RPS6KC1: variants seen among roughly 807,000 people sequenced by gnomAD.
The protein encoded by RPS6KC1 is inactive ribosomal protein S6 kinase delta-1.
In RPS6KC1, 54 loss-of-function variants were observed where a neutral mutation model predicts 103.8. That is an observed-to-expected ratio of 0.52 (90% CI 0.42 to 0.65). RPS6KC1 has a LOEUF of 0.65. RPS6KC1 is among the 30% of genes least tolerant of loss of function. The pLI, the probability that RPS6KC1 is intolerant of heterozygous loss-of-function variation, is 0.00. For synonymous variants in RPS6KC1, 439 were observed against 438.7 expected (o/e 1.00, Z -0.01); for missense variants, 1,151 against 1,253.8 (o/e 0.92, Z 1.24).
At chr1:213,837,394 G>C in the RPS6KC1 span, 1 of 152,118 alleles carries the variant, frequency 6.6e-6, no homozygotes, top group South Asian at 2.1e-4. Flanking sequence ...AGCTCTTAGT[G>C]GACTAATACT....
chr1:213,593,684 C>T, the RPS6KC1 span, among the ~76,000 whole-genome samples: 5 of 151,874 alleles, frequency 3.3e-5, no homozygotes, highest in South Asian at 8.3e-4. Flanking sequence ...GGGAAAGATA[C>T]GAGCGAAGGT....
At chr1:213,706,130 C>A in the RPS6KC1 span, among the ~76,000 whole-genome samples, 1 of 152,164 alleles carries the variant, frequency 6.6e-6, no homozygotes, top group Non-Finnish European at 1.5e-5. Context: ...AGTCCACTAA[C>A]TCTGGGCCCA....
chr1:213,090,620 A>T (rs1395417543), intron 3 of RPS6KC1, among the ~76,000 whole-genome samples: 1 of 152,202 alleles, frequency 6.6e-6, no homozygotes, highest in Non-Finnish European at 1.5e-5. Flanking sequence ...TTCTGTTTTT[A>T]ATTAATTTTT....
the RPS6KC1 span, among the ~76,000 whole-genome samples, chr1:213,825,260 C>T: frequency 6.6e-6 from 1 of 152,212 alleles, no homozygotes; most frequent in Non-Finnish European, 1.5e-5. Flanking sequence ...AGACAGGACT[C>T]ACTTTCCACA....
the RPS6KC1 span, among the ~76,000 whole-genome samples, chr1:213,836,289 A>G: frequency 0.032 from 4,814 of 152,188 alleles, 263 homozygotes; most frequent in African/African-American, 0.11. Flanking sequence ...AATTATTTTT[A>G]TAAATATAAT....
chr1:213,667,807 C>T, the RPS6KC1 span, among the ~76,000 whole-genome samples: 270 of 152,246 alleles, frequency 1.8e-3, no homozygotes, highest in Middle Eastern at 3.4e-3. Context: ...ATTATAAATC[C>T]TCTGTCATCA....
the RPS6KC1 span, among the ~76,000 whole-genome samples, chr1:213,320,616 A>G: frequency 6.6e-6 from 1 of 152,250 alleles, no homozygotes; most frequent in Non-Finnish European, 1.5e-5. Context: ...TACAATTGCA[A>G]ACAAAGGAAA....
chr1:213,368,390 GT>G, the RPS6KC1 span, among the ~76,000 whole-genome samples: 1 of 152,184 alleles, frequency 6.6e-6, no homozygotes, highest in Non-Finnish European at 1.5e-5. Context: ...ACACGAGAGG[GT>G]AGGTCCTTGT....
At chr1:213,167,491 A>ACAG (rs2091094226) in intron 6 of RPS6KC1, among the ~76,000 whole-genome samples, 1 of 70,612 alleles carries the variant, frequency 1.4e-5, no homozygotes, top group Admixed American at 1.6e-4. Flanking sequence ...CACACACACA[A>ACAG]CAGCTGTTGC....
At chr1:213,511,812 C>T in the RPS6KC1 span, among the ~76,000 whole-genome samples, 1 of 152,182 alleles carries the variant, frequency 6.6e-6, no homozygotes, top group East Asian at 1.9e-4. Context: ...CTGAGCATTC[C>T]TGATCCCCCT....
chr1:213,088,089 G>T (rs1309857741), intron 3 of RPS6KC1, among the ~76,000 whole-genome samples: 2 of 152,156 alleles, frequency 1.3e-5, no homozygotes, highest in South Asian at 2.1e-4. Flanking sequence ...TACCATGACT[G>T]TGTGCTCACC....
the RPS6KC1 span, among the ~76,000 whole-genome samples, chr1:213,436,858 T>A: frequency 1.3e-5 from 2 of 152,184 alleles, no homozygotes; most frequent in Admixed American, 1.3e-4. Context: ...TATTGACCAT[T>A]TGTCAGTGGC....
chr1:213,298,765 G>A, the RPS6KC1 span, among the ~76,000 whole-genome samples: 1 of 151,822 alleles, frequency 6.6e-6, no homozygotes, highest in African/African-American at 2.4e-5. Flanking sequence ...GTTTTATAAT[G>A]TAATTTTTTA....
the RPS6KC1 span, among the ~76,000 whole-genome samples, chr1:213,302,071 T>G: frequency 6.6e-6 from 1 of 152,180 alleles, no homozygotes; most frequent in East Asian, 1.9e-4. Flanking sequence ...TATAAGAATA[T>G]GGAATTCTGT....
the RPS6KC1 span, among the ~76,000 whole-genome samples, chr1:213,655,187 C>T: frequency 7.2e-6 from 1 of 139,282 alleles, no homozygotes; most frequent in South Asian, 2.3e-4. Flanking sequence ...GGATTACAGG[C>T]ATGTGCCACT....
the RPS6KC1 span, among the ~76,000 whole-genome samples, chr1:213,682,206 CCTCT>C: frequency 6.6e-6 from 1 of 152,298 alleles, no homozygotes; most frequent in Non-Finnish European, 1.5e-5. Context: ...CAGTGGATGG[CCTCT>C]CTTTCTGCCT....
At chr1:213,585,385 T>C in the RPS6KC1 span, among the ~76,000 whole-genome samples, 1 of 152,146 alleles carries the variant, frequency 6.6e-6, no homozygotes. Flanking sequence ...AAATATTTAT[T>C]CCACACCCTC....
intron 3 of RPS6KC1, among the ~76,000 whole-genome samples, chr1:213,080,846 T>C (rs932835312): frequency 6.6e-6 from 1 of 152,264 alleles, no homozygotes; most frequent in African/African-American, 2.4e-5. Context: ...ATTATAAGCG[T>C]GAGCCACCGC....
the RPS6KC1 span, among the ~76,000 whole-genome samples, chr1:213,403,277 C>G: frequency 2.6e-5 from 4 of 152,174 alleles, no homozygotes; most frequent in African/African-American, 9.7e-5. Context: ...TCTGGCTTCT[C>G]ACTGGGGAGT....
Sources: allele counts gnomAD v4.1 joint callset (sites outside exome capture counted in the v4.1 genomes callset), GRCh38; gene constraint gnomAD v4.1.1; transcripts MANE v1.5; gene names NCBI Gene and HGNC (gene_info 2026-07-23, HGNC 2026-07-21).